The following PBK variants were observed in gnomAD, a reference collection of about 807,000 sequenced individuals.
The protein encoded by PBK is lymphokine-activated killer T-cell-originated protein kinase.
In PBK, 22 loss-of-function variants were observed where a neutral mutation model predicts 33.5. The ratio of observed to expected loss-of-function variants is 0.66; its 90% CI spans 0.47 to 0.94. The LOEUF (loss-of-function observed/expected upper bound fraction) is 0.94. PBK is among the 40% of genes least tolerant of loss of function. PBK has a pLI of 0.00. For synonymous variants in PBK, 129 were observed against 123.8 expected (o/e 1.04, Z -0.28); for missense variants, 376 against 383.4 (o/e 0.98, Z 0.16).
chr8:27,832,444 G>A (rs1806147904), intron 2 of PBK, among the ~76,000 whole-genome samples: 1 of 152,122 alleles, frequency 6.6e-6, no homozygotes, highest in South Asian at 2.1e-4. Context: ...ACAGACTGGG[G>A]AACAAAGTAA....
At chr8:27,826,761 A>C (rs1370519168) in intron 3 of PBK, among the ~76,000 whole-genome samples, 1 of 103,336 alleles carries the variant, frequency 9.7e-6, no homozygotes, top group Non-Finnish European at 1.8e-5. Context: ...GCGCCACTGC[A>C]CTCCAGCCTG....
chr8:27,819,589 T>C (rs1430632427), intron 6 of PBK, among the ~76,000 whole-genome samples: 1 of 152,096 alleles, frequency 6.6e-6, no homozygotes, highest in Non-Finnish European at 1.5e-5. Flanking sequence ...ATTCATACTT[T>C]TTATAATTCG....
At chr8:27,830,205 G>GAAAAAAAAAAAAAAAAA (rs35191143) in intron 2 of PBK, among the ~76,000 whole-genome samples, 1 of 92,952 alleles carries the variant, frequency 1.1e-5, no homozygotes, top group Non-Finnish European at 2.2e-5. Context: ...TCTGTCTCAA[G>GAAAAAAAAAAAAAAAAA]AAAAAAAAAA....
At chr8:27,834,757 G>A (rs913538599) in intron 1 of PBK, among the ~76,000 whole-genome samples, 5 of 152,066 alleles carry the variant, frequency 3.3e-5, no homozygotes, top group African/African-American at 1.2e-4. Context: ...TTAGCCAGGT[G>A]TGGTGGCGTG....
intron 6 of PBK, among the ~76,000 whole-genome samples, chr8:27,814,787 C>T (rs1805779137): frequency 6.6e-6 from 1 of 152,094 alleles, no homozygotes; most frequent in Non-Finnish European, 1.5e-5. Context: ...TACTGAATTT[C>T]CAAATACTTG....
At chr8:27,812,255 CTT>C (rs1379703063) in intron 6 of PBK, 1 of 151,992 alleles carries the variant, frequency 6.6e-6, no homozygotes, top group African/African-American at 2.4e-5. Context: ...TTTAAACTAA[CTT>C]TTAAATCAAG....
At chr8:27,829,175 G>T (rs1250732625) in intron 2 of PBK, among the ~76,000 whole-genome samples, 2 of 152,164 alleles carry the variant, frequency 1.3e-5, no homozygotes, top group African/African-American at 2.4e-5. Flanking sequence ...GTACTTATCC[G>T]CACATAACAA....
At chr8:27,811,224 A>C (rs1055485804) in intron 6 of PBK, 90 bp from the exon 7 acceptor site, 4 of 1,052,492 alleles carry the variant, frequency 3.8e-6, no homozygotes, top group Non-Finnish European at 5.9e-6. Context: ...GATTTGAACA[A>C]GTAGTTCACA....
chr8:27,828,397 C>G (rs550522551), intron 2 of PBK, among the ~76,000 whole-genome samples, 199 bp from the exon 3 acceptor site: 36 of 152,244 alleles, frequency 2.4e-4, no homozygotes, highest in African/African-American at 7.7e-4. Context: ...AACTCTGAAG[C>G]AGAGATTGGG....
At chr8:27,815,781 A>G (rs1203606067) in intron 6 of PBK, among the ~76,000 whole-genome samples, 2 of 152,228 alleles carry the variant, frequency 1.3e-5, no homozygotes, top group African/African-American at 4.8e-5. Context: ...GTCTGTAAAC[A>G]TAATAGCATG....
At chr8:27,836,891 G>A (rs1358837567) in intron 1 of PBK, among the ~76,000 whole-genome samples, 1 of 152,112 alleles carries the variant, frequency 6.6e-6, no homozygotes, top group African/African-American at 2.4e-5. Flanking sequence ...TTGTCTGAGG[G>A]CCACTTTTTT....
intron 7 of PBK, 25 bp from the exon 8 acceptor site, chr8:27,810,526 A>G: frequency 7.1e-7 from 1 of 1,407,392 alleles, no homozygotes. Flanking sequence ...AGATTGAAAC[A>G]ATAAACAAAA....
At chr8:27,827,728 G>A (rs938076897) in intron 3 of PBK, among the ~76,000 whole-genome samples, 1 of 152,152 alleles carries the variant, frequency 6.6e-6, no homozygotes, top group African/African-American at 2.4e-5. Flanking sequence ...GGAGGGCAAC[G>A]CTGCAGAAAA....
chr8:27,833,514 AAAAAAAAAAGCCTAT>A (rs1806171381), intron 1 of PBK, among the ~76,000 whole-genome samples: 1 of 152,120 alleles, frequency 6.6e-6, no homozygotes, highest in Non-Finnish European at 1.5e-5. Context: ...CGTCTCAAAA[AAAAAAAAAAGCCTAT>A]AACATTATCG....
chr8:27,820,638 T>G lies in PBK; in HGVS notation c.522A>C (p.Val174=). 1 of 1,564,916 alleles carries G rather than the reference T, an allele frequency of 6.4e-7. No individual in the cohort carries two copies. The highest frequency in any genetic ancestry group is 8.8e-7 in the Non-Finnish European group (1 of 1,137,432). Residue 174 remains valine (V), a synonymous_variant, in exon 6 of 8, where the codon GTA becomes GTC. Coordinates refer to ENST00000301905, the MANE Select transcript of PBK (RefSeq NM_018492.4). Reference sequence around the variant, plus strand: ...TAATTGTTTCAAAATCGCCTTTAATTACAACATTTGAAGACTTTATGTCTC... The same window carrying G: ...TAATTGTTTCAAAATCGCCTTTAATGACAACATTTGAAGACTTTATGTCTC... ...LHGDIKSSNV[V]IKGDFETIKI...
chr8:27,835,829 G>A (rs1270405757), intron 1 of PBK, among the ~76,000 whole-genome samples: 1 of 152,192 alleles, frequency 6.6e-6, no homozygotes, highest in Admixed American at 6.5e-5. Context: ...GATTACAGGC[G>A]TGAGCCACCA....
chr8:27,815,864 T>C (rs533601097), intron 6 of PBK, among the ~76,000 whole-genome samples: 1 of 152,312 alleles, frequency 6.6e-6, no homozygotes, highest in African/African-American at 2.4e-5. Context: ...AGTGATTGGG[T>C]TTGCTCCCTG....
chr8:27,818,241 A>G (rs1288686915), intron 6 of PBK, among the ~76,000 whole-genome samples: 1 of 152,246 alleles, frequency 6.6e-6, no homozygotes, highest in Non-Finnish European at 1.5e-5. Flanking sequence ...TTCTAACCTC[A>G]GTAAAACAGC....
rs571668557 is a variant in PBK, at chr8:27,837,692, T to G, written c.-61A>C. On this transcript the variant is annotated 5_prime_UTR_variant, in exon 1 of 8. Coordinates refer to ENST00000301905, the MANE Select transcript of PBK (RefSeq NM_018492.4). ...TGGAAGGAAAGGTCGGAGGTGAAAA[T>G]AAGTCGTGGCCAAGTACCTCTTCAA... 2 of 152,104 alleles carry G rather than the reference T, an allele frequency of 1.3e-5. No individual in the cohort carries two copies. Among genetic ancestry groups the G allele is most frequent in the South Asian group, 4.2e-4 (2 of 4,810 alleles). The allele number at this position is 152,104 out of a possible 1,614,324, so 9.4% of individuals were successfully genotyped here.
Sources: allele counts gnomAD v4.1 joint callset (sites outside exome capture counted in the v4.1 genomes callset), GRCh38; gene constraint gnomAD v4.1.1; transcripts MANE v1.5; gene names NCBI Gene and HGNC (gene_info 2026-07-23, HGNC 2026-07-21).